CELF2: variants seen among roughly 807,000 people sequenced by gnomAD.
CELF2 encodes CUG triplet repeat RNA-binding protein 2.
In CELF2, 8 loss-of-function variants were observed where a neutral mutation model predicts 62.6. The ratio of observed to expected loss-of-function variants is 0.13; its 90% CI spans 0.07 to 0.23. The LOEUF (loss-of-function observed/expected upper bound fraction) is 0.23, where lower values mean the gene tolerates loss of function less well. Among genes scored for constraint, CELF2 ranks in the 10% least tolerant of loss-of-function variants. The pLI is 1.00. For missense variants in CELF2, 333 were observed against 671.0 expected (o/e 0.50, Z 5.56); for synonymous variants, 258 against 250.0 (o/e 1.03, Z -0.30).
intron 1 of CELF2, among the ~76,000 whole-genome samples, chr10:10,859,091 A>G (rs943202912): frequency 6.6e-6 from 1 of 152,146 alleles, no homozygotes; most frequent in Admixed American, 6.5e-5. Flanking sequence ...ACTTTTTTCA[A>G]GTATTCGTAT....
rs1427084199 is a variant in CELF2 at position 10,849,032 on chromosome 10, AAAC to A, written c.53+50221_53+50223del. On this transcript the variant is annotated intron_variant, in intron 1 of 13. Transcript: ENST00000636488. ...CTGAAATTGCAAGCTTCTTAATTAC[AAAC>A]AACAATATCCATTTTGGCTAATTTT... Among the ~76,000 whole-genome samples, 5 of 152,128 alleles carry A rather than the reference AAAC, an allele frequency of 3.3e-5. No homozygotes were observed. In the South Asian group the frequency reaches 6.2e-4, roughly 19 times the overall value.
chr10:10,975,387 C>G (rs951679297), intron 2 of CELF2, among the ~76,000 whole-genome samples: 2 of 152,182 alleles, frequency 1.3e-5, no homozygotes, highest in Admixed American at 6.5e-5. Context: ...CCACCTAGGT[C>G]TCCCTCAAAG....
intron 1 of CELF2, among the ~76,000 whole-genome samples, chr10:10,864,002 A>G (rs2060203877): frequency 6.6e-6 from 1 of 152,190 alleles, no homozygotes; most frequent in Non-Finnish European, 1.5e-5. Flanking sequence ...GGAGCTTCCC[A>G]ATTCATGAAG....
At chr10:10,823,596 A>C (rs1394481203) in intron 1 of CELF2, among the ~76,000 whole-genome samples, 1 of 152,146 alleles carries the variant, frequency 6.6e-6, no homozygotes, top group Non-Finnish European at 1.5e-5. Context: ...AAAAAAATAG[A>C]ATGGCTGAAT....
At chr10:10,492,129 A>G in the CELF2 span, among the ~76,000 whole-genome samples, 13 of 152,296 alleles carry the variant, frequency 8.5e-5, no homozygotes, top group African/African-American at 3.1e-4. Flanking sequence ...CCAGATCACC[A>G]ACATCATTAA....
At chr10:10,966,241 C>T (rs1302979652) in intron 2 of CELF2, among the ~76,000 whole-genome samples, 1 of 152,238 alleles carries the variant, frequency 6.6e-6, no homozygotes, top group Non-Finnish European at 1.5e-5. Context: ...AGCCCACTCA[C>T]ACAACCCCTT....
At chr10:10,842,827 C>T (rs2058767771) in intron 1 of CELF2, among the ~76,000 whole-genome samples, 1 of 151,958 alleles carries the variant, frequency 6.6e-6, no homozygotes, top group South Asian at 2.1e-4. Context: ...GAAGCACTTT[C>T]TTTGCTTCTA....
In CELF2 at chr10:11,269,831, A is replaced by C. The variant is rs1290518127; in HGVS notation, c.619-835A>C. On this transcript the variant is annotated intron_variant, in intron 6 of 12. Coordinates refer to ENST00000633077, the MANE Select transcript of CELF2 (RefSeq NM_001326342.2). This position sits in a 1 kb window ranked among gnomAD's most constrained non-coding sequence, Gnocchi z 4.4. Reference sequence around the variant, plus strand: ...TGTGACCTTTAGCCATTTCTTTCTCACTACCCCTACTCCTTGCCTTTTAAA... The same window carrying C: ...TGTGACCTTTAGCCATTTCTTTCTCCCTACCCCTACTCCTTGCCTTTTAAA... Among the ~76,000 whole-genome samples, 1 of 152,150 alleles carries C rather than the reference A, an allele frequency of 6.6e-6. No individual in the cohort carries two copies. The highest frequency in any genetic ancestry group is 2.4e-5 in the African/African-American group (1 of 41,422).
chr10:11,323,221 T>A (rs1038224915), intron 11 of CELF2, among the ~76,000 whole-genome samples: 1 of 152,100 alleles, frequency 6.6e-6, no homozygotes, highest in African/African-American at 2.4e-5. Context: ...TGCCCACTCC[T>A]GATTTAAGAG....
the CELF2 span, among the ~76,000 whole-genome samples, chr10:10,737,307 A>T: frequency 6.6e-6 from 1 of 152,194 alleles, no homozygotes; most frequent in Non-Finnish European, 1.5e-5. Context: ...TTAGCCTTTT[A>T]TCATCCCAAG....
At position 11,314,308 on chromosome 10, in the gene CELF2, A is replaced by G. The variant is rs778234930; in HGVS notation, c.1096+50A>G. 11 of 1,613,352 alleles carry G rather than the reference A, an allele frequency of 6.8e-6. No homozygotes were observed. The highest frequency in any genetic ancestry group is 4.0e-5 in the African/African-American group (3 of 74,912). ...TGCTCTGGTGGACAGCCTTCCCCCAAATTCTCCACAGAAAGTGGTCAGCCA... is the reference window on the plus strand; with the variant it reads ...TGCTCTGGTGGACAGCCTTCCCCCAGATTCTCCACAGAAAGTGGTCAGCCA... On this transcript the variant is annotated intron_variant, in intron 10 of 12. Transcript: ENST00000633077. The surrounding 1 kb of genome is among the most constrained non-coding windows in gnomAD (Gnocchi z 5.3).
At chr10:11,109,122 A>C (rs2054445679) in intron 1 of CELF2, among the ~76,000 whole-genome samples, 1 of 152,188 alleles carries the variant, frequency 6.6e-6, no homozygotes, top group Non-Finnish European at 1.5e-5. Context: ...TCTCATATGT[A>C]GATGTTTACG....
At chr10:11,253,740 A>G (rs955809075) in intron 4 of CELF2, among the ~76,000 whole-genome samples, 2 of 152,192 alleles carry the variant, frequency 1.3e-5, no homozygotes, top group African/African-American at 4.8e-5. Flanking sequence ...TTCTCATCAT[A>G]TCATGGAAGG....
chr10:10,537,057 C>T, the CELF2 span, among the ~76,000 whole-genome samples: 1 of 152,068 alleles, frequency 6.6e-6, no homozygotes. Flanking sequence ...ATGCCACTGC[C>T]GGAGTAAAAT....
At chr10:11,114,265 A>G (rs149991454) in intron 1 of CELF2, among the ~76,000 whole-genome samples, 138 of 152,370 alleles carry the variant, frequency 9.1e-4, no homozygotes, top group African/African-American at 3.1e-3. Flanking sequence ...ACTTTAAGAA[A>G]TGTTTTGAAC....
the CELF2 span, among the ~76,000 whole-genome samples, chr10:10,740,753 T>G: frequency 6.6e-6 from 1 of 152,358 alleles, no homozygotes; most frequent in Middle Eastern, 3.4e-3. Context: ...TTAATCAGCC[T>G]TTAAAAAGAG....
chr10:11,141,271 A>G (rs142617428), intron 1 of CELF2, among the ~76,000 whole-genome samples: 1 of 152,294 alleles, frequency 6.6e-6, no homozygotes, highest in East Asian at 1.9e-4. Flanking sequence ...GTGAAGTTAA[A>G]TAGGATTTGG....
the CELF2 span, among the ~76,000 whole-genome samples, chr10:10,539,226 A>G: frequency 3.3e-5 from 5 of 152,370 alleles, no homozygotes; most frequent in African/African-American, 1.2e-4. Context: ...TATACAAAGA[A>G]AAAGTAGCAA....
At chr10:10,491,901 T>C in the CELF2 span, among the ~76,000 whole-genome samples, 1 of 152,274 alleles carries the variant, frequency 6.6e-6, no homozygotes, top group East Asian at 1.9e-4. Flanking sequence ...ACATGATCTT[T>C]TCTTATACAT....
Sources: gnomAD v4.1 joint callset for allele counts (sites outside exome capture counted in the v4.1 genomes callset) on GRCh38, gnomAD v4.1.1 for gene constraint, Gnocchi (gnomAD v3.1) non-coding constraint, MANE v1.5 for transcripts, NCBI Gene and HGNC (gene_info 2026-07-23, HGNC 2026-07-21) for gene names.